DMD: variants seen among roughly 807,000 people sequenced by gnomAD.
DMD encodes the protein dystrophin, also known as mutant dystrophin.
Under a neutral mutation model 330.1 loss-of-function variants are expected in DMD, and 63 were observed. The observed-to-expected ratio is 0.19, with a 90% CI of 0.16 to 0.24. The LOEUF is 0.24. Among genes scored for constraint, DMD ranks in the 10% least tolerant of loss-of-function variants. The pLI is 1.00. For missense variants in DMD, 3,344 were observed against 2,684.1 expected, an observed-to-expected ratio of 1.25 and a Z score of -5.43; for synonymous variants, 1,223 against 959.8, an observed-to-expected ratio of 1.27 and a Z score of -5.07.
intron 34 of DMD, among the ~76,000 whole-genome samples, chrX:32,373,084 G>A (rs770799997): frequency 6.4e-5 from 7 of 109,767 alleles, no homozygotes; most frequent in East Asian, 2.9e-4. Context: ...TCTTGAGTTC[G>A]TAATTCTCTT....
chrX:31,691,644 C>T (rs1210038181), intron 52 of DMD, among the ~76,000 whole-genome samples: 1 of 111,862 alleles, frequency 8.9e-6, no homozygotes, highest in African/African-American at 3.2e-5. Context: ...AGGGTAGTTA[C>T]ACTTACTTCA....
intron 1 of DMD, among the ~76,000 whole-genome samples, chrX:33,130,955 T>C (rs969391709): frequency 8.9e-6 from 1 of 111,778 alleles, no homozygotes; most frequent in African/African-American, 3.3e-5. Context: ...TTGGTAATGT[T>C]ATTCCTTAAA....
At chrX:31,767,058 A>T (rs1300607014) in intron 51 of DMD, among the ~76,000 whole-genome samples, 4 of 111,900 alleles carry the variant, frequency 3.6e-5, no homozygotes, top group African/African-American at 9.7e-5. Flanking sequence ...AGAAAATTAT[A>T]TAAATATGGA....
intron 9 of DMD, among the ~76,000 whole-genome samples, chrX:32,687,958 G>C (rs1010436835): frequency 3.6e-5 from 4 of 110,362 alleles, no homozygotes. Flanking sequence ...ATTTGTAAAA[G>C]AAAAATAATA....
At position 32,544,968 on chromosome X, in the gene DMD, C is replaced by G. The variant is rs1006211; in HGVS notation, c.2168+191G>C. On this transcript the variant is annotated intron_variant, in intron 17 of 78. Coordinates refer to ENST00000357033, the MANE Select transcript of DMD (RefSeq NM_004006.3). ...AAACACCATTTCCATTAAGCATTTACTTTCTGTTGCGATAGTGATTTCTTG... is the reference window on the plus strand; with the variant it reads ...AAACACCATTTCCATTAAGCATTTAGTTTCTGTTGCGATAGTGATTTCTTG... Among the ~76,000 whole-genome samples, 46,610 of 110,002 alleles carry G rather than the reference C, an allele frequency of 0.42. 7,120 individuals carry two copies. The highest frequency in any genetic ancestry group is 0.47 in the Admixed American group (4,820 of 10,317).
chrX:32,945,748 A>T (rs1056103534), intron 2 of DMD, among the ~76,000 whole-genome samples: 39 of 111,597 alleles, frequency 3.5e-4, no homozygotes, highest in African/African-American at 1.2e-3. Context: ...TTCATTTATC[A>T]ATACTTTTTC....
At chrX:32,616,968 T>C (rs530074712) in intron 11 of DMD, among the ~76,000 whole-genome samples, 4 of 110,042 alleles carry the variant, frequency 3.6e-5, no homozygotes, top group African/African-American at 9.9e-5. Context: ...GAACTACCTC[T>C]TCAACATTTT....
intron 54 of DMD, among the ~76,000 whole-genome samples, chrX:31,639,255 C>T (rs180708091): frequency 1.5e-4 from 17 of 111,563 alleles, no homozygotes; most frequent in African/African-American, 5.2e-4. Flanking sequence ...ACTATAATAG[C>T]ATTCTGTGGA....
At chrX:33,190,928 TTA>T (rs1247101731) in intron 1 of DMD, among the ~76,000 whole-genome samples, 11 of 1,081 alleles carry the variant, frequency 0.01, 2 homozygotes, top group Non-Finnish European at 0.013. Context: ...ATATATAATA[TTA>T]TATATATATA....
At chrX:33,092,550 C>T (rs1019447780) in intron 1 of DMD, among the ~76,000 whole-genome samples, 1 of 111,100 alleles carries the variant, frequency 9.0e-6, no homozygotes, top group Non-Finnish European at 1.9e-5. Flanking sequence ...TCTTATTTTC[C>T]GTTTTCTTTG....
intron 2 of DMD, among the ~76,000 whole-genome samples, chrX:32,852,875 A>G (rs1476477378): frequency 9.0e-6 from 1 of 110,913 alleles, no homozygotes; most frequent in African/African-American, 3.3e-5. Flanking sequence ...CTGCCACAAT[A>G]GAAGAGAGCA....
chrX:32,484,961 C>A lies in DMD; in HGVS notation c.2761G>T (p.Val921Phe), dbSNP rs746919167. ...TCTCTGGCCTGCACATCAGAAAAGA[C>A]TTGCTTAAAATGATTTGTAAAGGCC... ...FVAFTNHFKQ[V>F]FSDVQAREKE... The change falls in exon 21 of 79, where the codon GTC becomes TTC. Residue 921 changes from valine (V) to phenylalanine (F), a missense_variant. By Grantham distance (50) the Val-to-Phe change is conservative. Transcript: ENST00000357033. The A allele has an allele frequency of 2.5e-6, 3 of 1,211,558 alleles. No homozygotes were observed. The highest frequency in any genetic ancestry group is 1.8e-5 in the South Asian group (1 of 56,990).
chrX:31,344,024 A>C (rs2057932462), intron 61 of DMD, among the ~76,000 whole-genome samples: 1 of 78,428 alleles, frequency 1.3e-5, no homozygotes, highest in Admixed American at 1.4e-4. Context: ...GCTCTGTCAC[A>C]CAGATTGGAG....
At chrX:31,358,771 C>G (rs5927736) in intron 60 of DMD, among the ~76,000 whole-genome samples, 34,130 of 111,457 alleles carry the variant, frequency 0.31, 3,846 homozygotes, top group East Asian at 0.58. Context: ...GAGGAATCTC[C>G]TGATTGTTAG....
chrX:32,518,768 C>T (rs1328858656), intron 17 of DMD, among the ~76,000 whole-genome samples: 1 of 110,553 alleles, frequency 9.0e-6, no homozygotes, highest in Non-Finnish European at 1.9e-5. Context: ...AAGCATGGGG[C>T]ACCAGGCATG....
intron 47 of DMD, among the ~76,000 whole-genome samples, chrX:31,879,609 A>T (rs1422295905): frequency 8.9e-6 from 1 of 112,486 alleles, no homozygotes; most frequent in Admixed American, 9.5e-5. Flanking sequence ...ATCTAAAGCC[A>T]TCAGTGAAAA....
chrX:32,328,780 A>G (rs1280530879), intron 41 of DMD, among the ~76,000 whole-genome samples: 1 of 111,755 alleles, frequency 8.9e-6, no homozygotes, highest in Non-Finnish European at 1.9e-5. Flanking sequence ...AAGAAAGAAA[A>G]AGAAAGGCCA....
At chrX:31,460,778 C>T (rs2066479861) in intron 59 of DMD, among the ~76,000 whole-genome samples, 1 of 111,393 alleles carries the variant, frequency 9.0e-6, no homozygotes, top group African/African-American at 3.3e-5. Context: ...AACGAGGTTT[C>T]ACTATGTTGT....
chrX:31,644,538 G>A (rs925259745), intron 54 of DMD, among the ~76,000 whole-genome samples: 2 of 111,607 alleles, frequency 1.8e-5, no homozygotes, highest in South Asian at 3.7e-4. Context: ...AGAATGTCAC[G>A]TTCATTTAGA....
Sources: allele counts gnomAD v4.1 joint callset (sites outside exome capture counted in the v4.1 genomes callset), GRCh38; gene constraint gnomAD v4.1.1; transcripts MANE v1.5; gene names NCBI Gene and HGNC (gene_info 2026-07-23, HGNC 2026-07-21).